Variants in ARNT2 observed in about 807,000 individuals in gnomAD.
The protein encoded by ARNT2 is ARNT protein 2.
In ARNT2, 36 loss-of-function variants were observed where a neutral mutation model predicts 91.7. The observed-to-expected ratio is 0.39, with a 90% confidence interval of 0.30 to 0.52. The LOEUF is 0.52. Ranked by LOEUF, ARNT2 falls within the 20% of genes least tolerant of loss-of-function variation. ARNT2 has a pLI of 0.72. For synonymous variants in ARNT2, 365 were observed against 347.1 expected (o/e 1.05, Z -0.57); for missense variants, 775 against 939.3 (o/e 0.83, Z 2.29).
chr15:80,446,871 C>A (rs191319444), intron 1 of ARNT2, among the ~76,000 whole-genome samples: 13 of 152,290 alleles, frequency 8.5e-5, no homozygotes, highest in Admixed American at 8.5e-4. Flanking sequence ...CTGTCTCATT[C>A]ATTCATTGCT....
Position 80,591,461 on chromosome 15 carries a change from A to T in ARNT2, c.1919-107A>T, listed in dbSNP as rs1395666278. The T allele has an allele frequency of 7.1e-7, 1 of 1,403,984 alleles. No individual in the cohort carries two copies. The highest frequency in any genetic ancestry group is 1.0e-6 in the Non-Finnish European group (1 of 1,004,812). The allele number at this position is 1,403,984 out of a possible 1,614,324, so 87.0% of individuals were successfully genotyped here. A position where few individuals can be genotyped will look rare whatever the true frequency, so the allele number is the denominator to read the frequency against. On this transcript the variant is annotated intron_variant, in intron 17 of 18. Coordinates refer to ENST00000303329, the MANE Select transcript of ARNT2 (RefSeq NM_014862.4). This position sits in a 1 kb window ranked among gnomAD's most constrained non-coding sequence, Gnocchi z 5.1. ...AACACATTCCGCCAGCTCTGGATGG[A>T]ACGTGCCTTTCAGAAGCGGGAGGCC...
intron 1 of ARNT2, chr15:80,444,355 G>GGTGTGTGTGT (rs59533738): frequency 1.8e-4 from 27 of 150,472 alleles, no homozygotes; most frequent in African/African-American, 6.2e-4. Flanking sequence ...GTGTGTACGT[G>GGTGTGTGTGT]GTGTGTGTGT....
intron 1 of ARNT2, among the ~76,000 whole-genome samples, chr15:80,426,095 G>A (rs1278064051): frequency 7.4e-6 from 1 of 134,522 alleles, no homozygotes. Flanking sequence ...AAACTCTATA[G>A]GATACGTTTC....
chr15:80,429,487 G>A (rs1032404556), intron 1 of ARNT2, among the ~76,000 whole-genome samples: 2 of 152,176 alleles, frequency 1.3e-5, no homozygotes, highest in East Asian at 1.9e-4. Flanking sequence ...ACCCCACCCC[G>A]CAATCGCCTG....
At chr15:80,426,747 G>C (rs1012511539) in intron 1 of ARNT2, among the ~76,000 whole-genome samples, 1 of 152,118 alleles carries the variant, frequency 6.6e-6, no homozygotes, top group Non-Finnish European at 1.5e-5. Context: ...GTCAGCTCAG[G>C]CTCCCCTAAC....
At chr15:80,433,557 C>CTG (rs1254511156) in intron 1 of ARNT2, among the ~76,000 whole-genome samples, 1 of 152,042 alleles carries the variant, frequency 6.6e-6, no homozygotes, top group Non-Finnish European at 1.5e-5. Context: ...CCTCGGCCTC[C>CTG]CAAAGTGCTG....
Position 80,436,785 on chromosome 15 carries a change from C to T in ARNT2, c.32-14095C>T, listed in dbSNP as rs183955062. On this transcript the variant is annotated intron_variant, in intron 1 of 18. Transcript: ENST00000303329. ...CATGCTATCTGATTTAGTATTTGTCCCACTCTCCTTCAAAGGTGTGGGTTT... is the reference window on the plus strand; with the variant it reads ...CATGCTATCTGATTTAGTATTTGTCTCACTCTCCTTCAAAGGTGTGGGTTT... 2.0e-4 allele frequency among the ~76,000 whole-genome samples: 30 copies of T among 152,284 alleles called. No homozygotes were observed. The East Asian group carries it at 5.8e-3, about 29-fold the overall frequency.
chr15:80,486,247 G>A (rs1202514174), intron 5 of ARNT2, among the ~76,000 whole-genome samples: 1 of 152,150 alleles, frequency 6.6e-6, no homozygotes, highest in Non-Finnish European at 1.5e-5. Context: ...ATTTTAACTT[G>A]ATTCTATCTA....
chr15:80,562,463 C>T (rs560558326), intron 11 of ARNT2, among the ~76,000 whole-genome samples: 8 of 152,228 alleles, frequency 5.3e-5, no homozygotes, highest in African/African-American at 1.7e-4. Flanking sequence ...ACTCATCTTA[C>T]CAAACTCTTA....
chr15:80,463,244 C>T (rs1896587489), intron 3 of ARNT2, among the ~76,000 whole-genome samples: 1 of 152,160 alleles, frequency 6.6e-6, no homozygotes, highest in African/African-American at 2.4e-5. Flanking sequence ...TATCAGTTAC[C>T]ATGTGTGGGA....
chr15:80,481,707 T>C (rs959419129), intron 5 of ARNT2, among the ~76,000 whole-genome samples: 6 of 152,078 alleles, frequency 3.9e-5, no homozygotes, highest in Non-Finnish European at 7.3e-5. Context: ...AGCGAGACCC[T>C]GTCTCAAATA....
At chr15:80,579,731 C>T (rs1298314890) in intron 15 of ARNT2, among the ~76,000 whole-genome samples, 2 of 152,172 alleles carry the variant, frequency 1.3e-5, no homozygotes, top group Non-Finnish European at 2.9e-5. Context: ...CTGGAAGAAG[C>T]GCCTGGTGGT....
At chr15:80,446,343 G>T (rs1466059544) in intron 1 of ARNT2, among the ~76,000 whole-genome samples, 1 of 152,158 alleles carries the variant, frequency 6.6e-6, no homozygotes, top group Non-Finnish European at 1.5e-5. Flanking sequence ...GTATTTTCCT[G>T]ATCTTATAGA....
intron 11 of ARNT2, among the ~76,000 whole-genome samples, chr15:80,561,968 A>C (rs1274187102): frequency 6.6e-6 from 1 of 152,188 alleles, no homozygotes; most frequent in Non-Finnish European, 1.5e-5. Context: ...ACAGCATAGC[A>C]TCTATAGGGT....
intron 8 of ARNT2, among the ~76,000 whole-genome samples, chr15:80,546,301 A>G (rs1414956183): frequency 6.6e-6 from 1 of 152,124 alleles, no homozygotes; most frequent in African/African-American, 2.4e-5. Context: ...CTCCCCGGTC[A>G]TATCTATGTT....
At chr15:80,570,051 A>G (rs1299273591) in intron 12 of ARNT2, among the ~76,000 whole-genome samples, 1 of 152,256 alleles carries the variant, frequency 6.6e-6, no homozygotes, top group Non-Finnish European at 1.5e-5. Flanking sequence ...AATGGGAGAC[A>G]TGGAATAATT....
chr15:80,452,513 A>G (rs772652248), intron 2 of ARNT2, among the ~76,000 whole-genome samples: 4 of 152,226 alleles, frequency 2.6e-5, no homozygotes, highest in Non-Finnish European at 5.9e-5. Flanking sequence ...AAAGAAGACA[A>G]GAGGTGTCAA....
intron 1 of ARNT2, among the ~76,000 whole-genome samples, chr15:80,443,208 G>T (rs1896222161): frequency 6.6e-6 from 1 of 152,204 alleles, no homozygotes; most frequent in Admixed American, 6.5e-5. Flanking sequence ...AAGGTCCTGG[G>T]GTCAGAACGG....
intron 1 of ARNT2, among the ~76,000 whole-genome samples, chr15:80,421,227 A>G (rs941203237): frequency 2.6e-5 from 4 of 152,150 alleles, no homozygotes; most frequent in African/African-American, 9.7e-5. Flanking sequence ...CATACAGGGT[A>G]GTATAATGGA....
Sources: allele counts gnomAD v4.1 joint callset (sites outside exome capture counted in the v4.1 genomes callset), GRCh38; gene constraint gnomAD v4.1.1; non-coding constraint Gnocchi (gnomAD v3.1); transcripts MANE v1.5; gene names NCBI Gene and HGNC (gene_info 2026-07-23, HGNC 2026-07-21).